Variants in UMAD1 observed in about 807,000 individuals in gnomAD.
The protein encoded by UMAD1 is UBAP1-MVB12-associated (UMA) domain containing 1, also known as UBAP1-MVB12-associated (UMA)-domain containing protein 1.
A neutral mutation model predicts 6.1 loss-of-function variants in UMAD1; 8 were observed. The observed-to-expected ratio is 1.30, with a 90% confidence interval of 0.76 to 2.35. UMAD1 has a LOEUF of 2.35. UMAD1 is among the 30% of genes most tolerant of loss of function. The pLI, the probability that UMAD1 is intolerant of heterozygous loss-of-function variation, is 0.00. For synonymous variants in UMAD1, 56 were observed against 31.4 expected (o/e 1.78, Z -2.61); for missense variants, 130 against 78.4 (o/e 1.66, Z -2.49).
intron 3 of UMAD1, among the ~76,000 whole-genome samples, chr7:7,804,101 A>T (rs1014653474): frequency 6.6e-6 from 1 of 152,184 alleles, no homozygotes; most frequent in Non-Finnish European, 1.5e-5. Context: ...CTGGATGTAC[A>T]TACTCATGCA....
chr7:7,687,974 T>A (rs373005614), intron 2 of UMAD1, among the ~76,000 whole-genome samples: 2 of 152,182 alleles, frequency 1.3e-5, no homozygotes, highest in African/African-American at 4.8e-5. Flanking sequence ...ACCCCTGAAA[T>A]AGCTTGTTGA....
intron 3 of UMAD1, among the ~76,000 whole-genome samples, chr7:7,804,074 G>T (rs372686109): frequency 2.6e-5 from 4 of 152,292 alleles, no homozygotes; most frequent in African/African-American, 9.6e-5. Flanking sequence ...AATATAGTCA[G>T]TTGTTAATCA....
intron 2 of UMAD1, among the ~76,000 whole-genome samples, chr7:7,692,127 C>T (rs1780186327): frequency 6.6e-6 from 1 of 152,124 alleles, no homozygotes; most frequent in Non-Finnish European, 1.5e-5. Flanking sequence ...GTACTTCGCC[C>T]CCTTTTTCTG....
In UMAD1 at chr7:7,700,504, C is replaced by T. The variant is rs191112284; in HGVS notation, c.82+27051C>T. Among the ~76,000 whole-genome samples, 8 of 152,160 alleles carry T rather than the reference C, an allele frequency of 5.3e-5. No homozygotes were observed. The South Asian group carries it at 6.2e-4, about 12-fold the overall frequency. The stretch of plus-strand genomic sequence containing the variant: ...TTGTGGGAGGCCAATGTGGGAAGAT[C>T]GCTTGAGGCCATAAGTTCTAGACCA... On this transcript the variant is annotated intron_variant, in intron 2 of 3. Coordinates refer to ENST00000682710, the MANE Select transcript of UMAD1 (RefSeq NM_001302348.2).
At chr7:7,804,777 C>G (rs1782874680) in intron 3 of UMAD1, among the ~76,000 whole-genome samples, 1 of 152,132 alleles carries the variant, frequency 6.6e-6, no homozygotes, top group Non-Finnish European at 1.5e-5. Context: ...GTCAGGAGAT[C>G]AAGACCATTC....
At chr7:7,767,949 T>G (rs905546119) in intron 2 of UMAD1, among the ~76,000 whole-genome samples, 3 of 152,178 alleles carry the variant, frequency 2.0e-5, no homozygotes, top group African/African-American at 7.2e-5. Context: ...ATGTAAATAT[T>G]AATTTGTGTA....
At chr7:7,803,280 G>A (rs1016257237) in intron 3 of UMAD1, among the ~76,000 whole-genome samples, 3 of 152,120 alleles carry the variant, frequency 2.0e-5, no homozygotes, top group Admixed American at 6.5e-5. Context: ...GTTTGAGACC[G>A]GCCTGGGCAA....
intron 2 of UMAD1, among the ~76,000 whole-genome samples, chr7:7,719,691 C>CT (rs1336900956): frequency 6.6e-6 from 1 of 151,822 alleles, no homozygotes; most frequent in Non-Finnish European, 1.5e-5. Flanking sequence ...ACTTTATAAT[C>CT]TTAAGTTTAG....
intron 2 of UMAD1, among the ~76,000 whole-genome samples, chr7:7,707,532 T>A (rs1780637105): frequency 6.6e-6 from 1 of 152,184 alleles, no homozygotes; most frequent in African/African-American, 2.4e-5. Flanking sequence ...AAAAGTGAAA[T>A]TGATTTTAAA....
intron 2 of UMAD1, among the ~76,000 whole-genome samples, chr7:7,709,864 T>C (rs1179748129): frequency 6.6e-6 from 1 of 152,172 alleles, no homozygotes; most frequent in Admixed American, 6.5e-5. Context: ...TTAAGAAATA[T>C]AATTTCTTGT....
intron 3 of UMAD1, among the ~76,000 whole-genome samples, chr7:7,862,309 C>T (rs190531315): frequency 4.4e-4 from 67 of 152,080 alleles, no homozygotes; most frequent in African/African-American, 1.6e-3. Context: ...GATTGAAGTA[C>T]TTTATGTTTC....
chr7:7,864,657 G>A (rs1037546086), intron 3 of UMAD1, among the ~76,000 whole-genome samples: 16 of 146,158 alleles, frequency 1.1e-4, no homozygotes, highest in Admixed American at 6.1e-4. Flanking sequence ...ACACAGTGGC[G>A]TCTTGAAGAA....
rs554784569 is a variant in UMAD1 at position 7,680,187 on chromosome 7, C to T, written c.82+6734C>T. On this transcript the variant is annotated intron_variant, in intron 2 of 3. Transcript: ENST00000682710. ...TTCGTAGTTTCAGGTCTTAGATTTA[C>T]GTATTTTATCCATTTTGATTTGATT... is the stretch of plus-strand genomic sequence containing the variant. Among the ~76,000 whole-genome samples the T allele has an allele frequency of 2.6e-5, 4 of 152,142 alleles. No homozygotes were observed. In the South Asian group the frequency reaches 8.3e-4, roughly 32 times the overall value.
At chr7:7,818,908 A>G (rs1051733623) in intron 3 of UMAD1, among the ~76,000 whole-genome samples, 2 of 152,146 alleles carry the variant, frequency 1.3e-5, no homozygotes, top group African/African-American at 4.8e-5. Context: ...AGAATGCCAT[A>G]GCACAGTCTC....
At chr7:7,846,901 T>G (rs1407874069) in intron 3 of UMAD1, among the ~76,000 whole-genome samples, 1 of 61,758 alleles carries the variant, frequency 1.6e-5, no homozygotes, top group Non-Finnish European at 3.0e-5. Flanking sequence ...CTCTGGGGAC[T>G]GTGGTGGGGT....
intron 1 of UMAD1, among the ~76,000 whole-genome samples, chr7:7,666,384 T>C (rs1779457499): frequency 6.6e-6 from 1 of 151,972 alleles, no homozygotes; most frequent in African/African-American, 2.4e-5. Context: ...TTGTATTTTT[T>C]TGTAGTAGAG....
chr7:7,646,938 T>A (rs1785110147), intron 1 of UMAD1, among the ~76,000 whole-genome samples: 1 of 152,184 alleles, frequency 6.6e-6, no homozygotes, highest in Non-Finnish European at 1.5e-5. Context: ...CCTGTTCACA[T>A]TTAGGGCTAT....
chr7:7,769,548 C>T (rs993386485), intron 2 of UMAD1, among the ~76,000 whole-genome samples: 13 of 152,068 alleles, frequency 8.5e-5, no homozygotes, highest in Non-Finnish European at 1.8e-4. Flanking sequence ...AAATGCTCGT[C>T]GAGTGCTTGC....
At chr7:7,845,299 A>C (rs1783762413) in intron 3 of UMAD1, among the ~76,000 whole-genome samples, 1 of 152,018 alleles carries the variant, frequency 6.6e-6, no homozygotes, top group East Asian at 1.9e-4. Flanking sequence ...CTACTGGGAA[A>C]TTTTAAATTA....
Sources: gnomAD v4.1 joint callset for allele counts (sites outside exome capture counted in the v4.1 genomes callset) on GRCh38, gnomAD v4.1.1 for gene constraint, MANE v1.5 for transcripts, NCBI Gene and HGNC (gene_info 2026-07-23, HGNC 2026-07-21) for gene names.